TRAF2: variants seen among roughly 807,000 people sequenced by gnomAD.
TRAF2 encodes TNF receptor associated factor 2, also known as TNF receptor-associated factor 2.
TRAF2 carries 6 observed loss-of-function variants against 55.6 expected under a neutral mutation model. The observed-to-expected ratio is 0.11, with a 90% CI of 0.06 to 0.21. The LOEUF (loss-of-function observed/expected upper bound fraction) is 0.21. Among genes scored for constraint, TRAF2 ranks in the 10% least tolerant of loss-of-function variants. The pLI, the probability that TRAF2 is intolerant of heterozygous loss-of-function variation, is 1.00. For missense variants in TRAF2, 561 were observed against 684.5 expected, an observed-to-expected ratio of 0.82 and a Z score of 2.01; for synonymous variants, 329 against 276.3, an observed-to-expected ratio of 1.19 and a Z score of -1.89.
At chr9:136,893,340 A>G (rs916628440) in intron 1 of TRAF2, among the ~76,000 whole-genome samples, 1 of 152,230 alleles carries the variant, frequency 6.6e-6, no homozygotes, top group Non-Finnish European at 1.5e-5. Flanking sequence ...GTCTCACTAA[A>G]TTACAGATTC....
At chr9:136,896,398 T>C (rs1327595278) in intron 1 of TRAF2, among the ~76,000 whole-genome samples, 2 of 152,224 alleles carry the variant, frequency 1.3e-5, no homozygotes, top group East Asian at 3.8e-4. Context: ...GGTGTGAGGC[T>C]GTGGAGACGC....
At chr9:136,917,879 G>A (rs1850278599) in intron 7 of TRAF2, among the ~76,000 whole-genome samples, 1 of 152,136 alleles carries the variant, frequency 6.6e-6, no homozygotes, top group Non-Finnish European at 1.5e-5. Flanking sequence ...GACCACCCGG[G>A]CCTCAGTGGT....
intron 6 of TRAF2, among the ~76,000 whole-genome samples, chr9:136,911,864 TTTTG>T (rs1850116970): frequency 7.2e-6 from 1 of 137,984 alleles, no homozygotes; most frequent in African/African-American, 2.8e-5. Context: ...TTTTTTTTTT[TTTTG>T]AGATGGAGTC....
intron 1 of TRAF2, among the ~76,000 whole-genome samples, chr9:136,892,552 C>T (rs1469475458): frequency 6.6e-6 from 1 of 152,108 alleles, no homozygotes; most frequent in Non-Finnish European, 1.5e-5. Flanking sequence ...GATTAGAAGC[C>T]ACTTTGTTCT....
intron 7 of TRAF2, among the ~76,000 whole-genome samples, chr9:136,919,680 T>TTCTTCCCTTCCTCCCG (rs17250546): frequency 6.7e-6 from 1 of 148,608 alleles, no homozygotes; most frequent in African/African-American, 2.5e-5. Context: ...TTCCCTCCCC[T>TTCTTCCCTTCCTCCCG]TCTTCCCTTC....
At position 136,900,527 on chromosome 9, in the gene TRAF2, A is replaced by T; in HGVS notation, c.366+7A>T. 2 of 1,612,420 alleles carry T rather than the reference A, an allele frequency of 1.2e-6. No homozygotes were observed. Among genetic ancestry groups the T allele is most frequent in the Non-Finnish European group, 8.5e-7 (1 of 1,178,566 alleles). On this transcript the variant is annotated splice_region_variant and intron_variant, in intron 4 of 10. Transcript: ENST00000247668. ...GACCCTGAAAGAATACGAGGTAAAG[A>T]TGCCTGCGTGTGGCATGGTGACAGA...
At chr9:136,885,513 C>T (rs1849428365), upstream of TRAF2, among the ~76,000 whole-genome samples, 1 of 152,288 alleles carries the variant, frequency 6.6e-6, no homozygotes, top group Non-Finnish European at 1.5e-5. Context: ...CCACTGTTTT[C>T]ATTTGAGTGT....
intron 1 of TRAF2, among the ~76,000 whole-genome samples, chr9:136,893,506 C>T (rs562119285): frequency 2.6e-5 from 4 of 152,280 alleles, no homozygotes; most frequent in South Asian, 2.1e-4. Context: ...GTCCTGTATG[C>T]GGCGTCAGTT....
At chr9:136,896,791 A>G (rs1849689796) in intron 1 of TRAF2, among the ~76,000 whole-genome samples, 1 of 151,986 alleles carries the variant, frequency 6.6e-6, no homozygotes, top group Non-Finnish European at 1.5e-5. Flanking sequence ...TGTATTTTTA[A>G]TAGAGACGGG....
intron 6 of TRAF2, among the ~76,000 whole-genome samples, chr9:136,913,480 G>A (rs1378096790): frequency 6.6e-6 from 1 of 151,478 alleles, no homozygotes; most frequent in Non-Finnish European, 1.5e-5. Flanking sequence ...TGTATTTTTA[G>A]TAGAGACGGG....
At chr9:136,908,308 C>A (rs892239774) in intron 5 of TRAF2, 77 bp downstream of exon 5, 2 of 1,420,704 alleles carry the variant, frequency 1.4e-6, no homozygotes, top group African/African-American at 1.4e-5. Flanking sequence ...CTGGCCACTG[C>A]GGCTGCGTCG....
chr9:136,899,752 C>T (rs1011050225), intron 3 of TRAF2, 80 bp downstream of exon 3: 6 of 1,361,962 alleles, frequency 4.4e-6, no homozygotes, highest in Non-Finnish European at 6.1e-6. Context: ...GGGCTGGGCA[C>T]AGTGGCTCAC....
intron 9 of TRAF2, among the ~76,000 whole-genome samples, chr9:136,923,167 G>GAGGC (rs923153506): frequency 3.6e-4 from 55 of 152,262 alleles, no homozygotes; most frequent in African/African-American, 1.3e-3. Context: ...TGCCTCTTCT[G>GAGGC]AGGCAGGCTT....
At chr9:136,894,659 C>T (rs1004498624) in intron 1 of TRAF2, among the ~76,000 whole-genome samples, 1 of 152,052 alleles carries the variant, frequency 6.6e-6, no homozygotes, top group African/African-American at 2.4e-5. Context: ...CTTCTGAGTG[C>T]CCAGGATGTT....
Position 136,912,939 on chromosome 9 carries a change from C to G in TRAF2, c.603+2945C>G, listed in dbSNP as rs150755158. On this transcript the variant is annotated intron_variant, in intron 6 of 10. Coordinates refer to ENST00000247668, the MANE Select transcript of TRAF2 (RefSeq NM_021138.4). ...CCTGAGGTCAGGAGATCAAAACCAG[C>G]CTGTCCAACATGGCAAAACCCCTTC... Among the ~76,000 whole-genome samples, 653 of 152,296 alleles carry G rather than the reference C, an allele frequency of 4.3e-3. 4 individuals carry two copies. The highest frequency in any genetic ancestry group is 0.015 in the African/African-American group (627 of 41,576).
intron 2 of TRAF2, 57 bp from the exon 3 acceptor site, chr9:136,899,537 T>TTTGTTTTTTGCATTAGGTTTCACAGTGGG (rs1849766432): frequency 5.3e-5 from 82 of 1,537,616 alleles, no homozygotes; most frequent in Non-Finnish European, 7.0e-5. Flanking sequence ...GCAAATGGTG[T>TTTGTTTTTTGCATTAGGTTTCACAGTGGG]TTGTTTTTTG....
At chr9:136,887,881 T>C (rs570310079) in intron 1 of TRAF2, among the ~76,000 whole-genome samples, 1 of 152,294 alleles carries the variant, frequency 6.6e-6, no homozygotes, top group Non-Finnish European at 1.5e-5. Flanking sequence ...TTTATTTATT[T>C]ATTTTTTGAG....
chr9:136,919,888 A>C (rs1158956199), intron 7 of TRAF2, among the ~76,000 whole-genome samples: 2 of 151,964 alleles, frequency 1.3e-5, no homozygotes, highest in South Asian at 4.2e-4. Flanking sequence ...GCTAATTTTT[A>C]AAAATTTTTT....
At chr9:136,917,194 G>A (rs755208207) in intron 7 of TRAF2, among the ~76,000 whole-genome samples, 2 of 152,184 alleles carry the variant, frequency 1.3e-5, no homozygotes. Context: ...GTTCTTTTCC[G>A]TTCTGGCCTG....
Sources: allele counts gnomAD v4.1 joint callset (sites outside exome capture counted in the v4.1 genomes callset), GRCh38; gene constraint gnomAD v4.1.1; transcripts MANE v1.5; gene names NCBI Gene and HGNC (gene_info 2026-07-23, HGNC 2026-07-21).